PXDNL: variants seen among roughly 807,000 people sequenced by gnomAD.
PXDNL encodes probable oxidoreductase PXDNL.
A neutral mutation model predicts 150.8 loss-of-function variants in PXDNL; 145 were observed. The observed-to-expected ratio is 0.96, with a 90% CI of 0.84 to 1.10. The LOEUF is 1.10. PXDNL is among the 50% of genes least tolerant of loss of function. PXDNL has a pLI of 0.00. For synonymous variants in PXDNL, 757 were observed against 725.7 expected, an observed-to-expected ratio of 1.04 and a Z score of -0.69; for missense variants, 2,087 against 1,873.9, an observed-to-expected ratio of 1.11 and a Z score of -2.10.
chr8:51,695,438 G>T (rs1172474221), intron 1 of PXDNL, among the ~76,000 whole-genome samples: 1 of 151,972 alleles, frequency 6.6e-6, no homozygotes, highest in African/African-American at 2.4e-5. Context: ...TTATATCAGG[G>T]AGACAGATCA....
At chr8:51,762,021 A>G (rs2130999982) in intron 1 of PXDNL, among the ~76,000 whole-genome samples, 2 of 152,350 alleles carry the variant, frequency 1.3e-5, no homozygotes, top group Middle Eastern at 3.4e-3. Flanking sequence ...GAATAAAACA[A>G]TGAGTAAATA....
chr8:51,618,710 T>G (rs1028439835), intron 2 of PXDNL, among the ~76,000 whole-genome samples: 9 of 152,200 alleles, frequency 5.9e-5, no homozygotes, highest in African/African-American at 2.2e-4. Flanking sequence ...GACTGACATT[T>G]TGTGCTCTGC....
At chr8:51,583,421 G>A (rs1463742340) in intron 3 of PXDNL, among the ~76,000 whole-genome samples, 4 of 152,108 alleles carry the variant, frequency 2.6e-5, no homozygotes, top group Non-Finnish European at 5.9e-5. Flanking sequence ...ATCAAATTTT[G>A]GGGTGTATAG....
At chr8:51,539,523 ATTTG>A (rs1456026826) in intron 4 of PXDNL, among the ~76,000 whole-genome samples, 4 of 152,074 alleles carry the variant, frequency 2.6e-5, no homozygotes, top group African/African-American at 4.8e-5. Context: ...ACAGAATTGA[ATTTG>A]TTTGTTTCTT....
At chr8:51,634,399 G>T (rs1158808748) in intron 2 of PXDNL, among the ~76,000 whole-genome samples, 1 of 152,106 alleles carries the variant, frequency 6.6e-6, no homozygotes, top group Non-Finnish European at 1.5e-5. Flanking sequence ...AATATAGTTT[G>T]AAGTTGGGTT....
At chr8:51,492,003 C>T (rs1810906890) in intron 5 of PXDNL, among the ~76,000 whole-genome samples, 2 of 152,192 alleles carry the variant, frequency 1.3e-5, no homozygotes, top group Admixed American at 6.5e-5. Context: ...GTCTCCAGCA[C>T]AAAGCAAACA....
intron 19 of PXDNL, among the ~76,000 whole-genome samples, chr8:51,352,308 C>G (rs1370626806): frequency 2.0e-5 from 3 of 152,162 alleles, no homozygotes; most frequent in Non-Finnish European, 4.4e-5. Flanking sequence ...TATCACAGCT[C>G]TACTCAAAAG....
intron 9 of PXDNL, among the ~76,000 whole-genome samples, chr8:51,456,665 T>A (rs561515879): frequency 6.6e-6 from 1 of 152,356 alleles, no homozygotes; most frequent in South Asian, 2.1e-4. Context: ...TCAGGGTTAT[T>A]ATGCCTACTG....
chr8:51,703,548 C>T (rs1011877525), intron 1 of PXDNL, among the ~76,000 whole-genome samples: 2 of 152,100 alleles, frequency 1.3e-5, no homozygotes, highest in African/African-American at 4.8e-5. Context: ...TTAATGTCAA[C>T]TTTAACCCAA....
intron 4 of PXDNL, among the ~76,000 whole-genome samples, chr8:51,543,796 G>A (rs915258883): frequency 4.0e-5 from 6 of 151,754 alleles, no homozygotes; most frequent in Non-Finnish European, 7.4e-5. Flanking sequence ...GTCATATGAG[G>A]AACATGGCTA....
intron 1 of PXDNL, among the ~76,000 whole-genome samples, chr8:51,673,513 G>A (rs971932372): frequency 6.6e-6 from 1 of 152,164 alleles, no homozygotes; most frequent in African/African-American, 2.4e-5. Flanking sequence ...AAGCTGTAGA[G>A]AGACAGATTT....
At chr8:51,459,816 G>C (rs1285757978) in intron 8 of PXDNL, among the ~76,000 whole-genome samples, 1 of 152,112 alleles carries the variant, frequency 6.6e-6, no homozygotes, top group Non-Finnish European at 1.5e-5. Context: ...AAACATATTT[G>C]ATTTAATGAA....
chr8:51,513,884 G>A (rs145211575), intron 4 of PXDNL, among the ~76,000 whole-genome samples: 98 of 152,336 alleles, frequency 6.4e-4, no homozygotes, highest in African/African-American at 2.3e-3. Context: ...TGTAGACGTA[G>A]TTGATTGTCA....
In PXDNL at chr8:51,409,407, C is replaced by A. The variant is rs756352526; in HGVS notation, c.2217G>T (p.Gln739His). ...AHDGTCNNLQ[Q>H]PTWGAALTAF... ...CGGTCAGCGCCGCGCCCCACGTGGG[C>A]TGCTGCAGGTTGTTGCACGTGCCGT... is the stretch of plus-strand genomic sequence containing the variant. Residue 739 changes from glutamine (Q) to histidine (H), a missense_variant, in exon 17 of 23, where the codon CAG (glutamine) becomes CAT (histidine). Coordinates refer to ENST00000356297, the MANE Select transcript of PXDNL (RefSeq NM_144651.5). 6.2e-7 allele frequency: 1 copy of A among 1,611,008 alleles called. No individual in the cohort carries two copies. Among genetic ancestry groups the A allele is most frequent in the South Asian group, 1.1e-5 (1 of 91,008 alleles).
chr8:51,469,395 C>A (rs1006265290), intron 8 of PXDNL, among the ~76,000 whole-genome samples: 1 of 151,968 alleles, frequency 6.6e-6, no homozygotes, highest in African/African-American at 2.4e-5. Context: ...TCTATCATTA[C>A]CTTTTCAAAT....
intron 3 of PXDNL, among the ~76,000 whole-genome samples, chr8:51,577,941 A>AAG (rs1813098760): frequency 1.2e-5 from 1 of 82,180 alleles, no homozygotes; most frequent in Non-Finnish European, 2.6e-5. Context: ...GAAAGAAAGA[A>AAG]AGAAAGAAAG....
chr8:51,744,051 AAGGAAGGAAGGAAGGAAGGAAGGAAG>A (rs2036939288), intron 1 of PXDNL, among the ~76,000 whole-genome samples: 2 of 49,320 alleles, frequency 4.1e-5, no homozygotes, highest in African/African-American at 1.3e-4. Flanking sequence ...GGAAGGAAGG[AAGGAAGGAAGGAAGGAAGGAAGGAAG>A]GAAGGAAGGA....
chr8:51,802,833 G>C (rs558192614), intron 1 of PXDNL, among the ~76,000 whole-genome samples: 1 of 152,124 alleles, frequency 6.6e-6, no homozygotes, highest in East Asian at 1.9e-4. Context: ...GGCTAACAAA[G>C]AACACACCAG....
chr8:51,519,687 G>T (rs1811618493), intron 4 of PXDNL, among the ~76,000 whole-genome samples: 1 of 152,156 alleles, frequency 6.6e-6, no homozygotes, highest in South Asian at 2.1e-4. Context: ...TAAAGCAAGA[G>T]AGTTCATCAA....
Sources: gnomAD v4.1 joint callset for allele counts (sites outside exome capture counted in the v4.1 genomes callset) on GRCh38, gnomAD v4.1.1 for gene constraint, MANE v1.5 for transcripts, NCBI Gene and HGNC (gene_info 2026-07-23, HGNC 2026-07-21) for gene names.